The following UBR3 variants were observed in gnomAD, a reference collection of about 807,000 sequenced individuals.
The protein encoded by UBR3 is ubiquitin protein ligase E3 component n-recognin 3.
Under a neutral mutation model 243.2 loss-of-function variants are expected in UBR3, and 85 were observed. The observed-to-expected ratio is 0.35, with a 90% CI of 0.29 to 0.42. The LOEUF (loss-of-function observed/expected upper bound fraction) is 0.42, where lower values mean the gene tolerates loss of function less well. Ranked by LOEUF, UBR3 falls within the 10% of genes least tolerant of loss-of-function variation. UBR3 has a pLI of 1.00. For synonymous variants in UBR3, 748 were observed against 799.8 expected (o/e 0.94, Z 1.09); for missense variants, 1,686 against 2,300.8 (o/e 0.73, Z 5.47).
At chr2:169,947,406 T>C in intron 21 of UBR3, 136 bp from the exon 22 acceptor site, 2 of 640,746 alleles carry the variant, frequency 3.1e-6, no homozygotes, top group Non-Finnish European at 4.5e-6. Context: ...TTATTCACTT[T>C]ATAATTTGTG....
intron 24 of UBR3, among the ~76,000 whole-genome samples, chr2:169,972,028 TAAA>T (rs1296378104): frequency 6.6e-6 from 1 of 151,484 alleles, no homozygotes; most frequent in Non-Finnish European, 1.5e-5. Context: ...GCAAGACTAA[TAAA>T]GAAGAAAAGA....
At position 170,080,032 on chromosome 2, in the gene UBR3, T is replaced by C. The variant is rs2091880238; in HGVS notation, c.5409+9T>C. On this transcript the variant is annotated intron_variant, in intron 37 of 38. Coordinates refer to ENST00000272793, the MANE Select transcript of UBR3 (RefSeq NM_172070.4). ...ACTGTGAATGTGTACTGGTAAGCAATAGTAGATAATACAAAATTTATGAAA... is the reference window on the plus strand; with the variant it reads ...ACTGTGAATGTGTACTGGTAAGCAACAGTAGATAATACAAAATTTATGAAA... The C allele has an allele frequency of 6.2e-7, 1 of 1,600,280 alleles. No individual in the cohort carries two copies. The highest frequency in any genetic ancestry group is 2.2e-5 in the East Asian group (1 of 44,786).
At position 170,061,061 on chromosome 2, in the gene UBR3, A is replaced by G. The variant is rs368843691; in HGVS notation, c.4786-18A>G. ...TAATTTTCAGTGACCAGTGTAACCAATATTTTAATTTTTTCAGAGTACATG... is the reference window on the plus strand; with the variant it reads ...TAATTTTCAGTGACCAGTGTAACCAGTATTTTAATTTTTTCAGAGTACATG... On this transcript the variant is annotated intron_variant, in intron 33 of 38. Coordinates refer to ENST00000272793, the MANE Select transcript of UBR3 (RefSeq NM_172070.4). 3.6e-5 allele frequency: 54 copies of G among 1,495,060 alleles called. No homozygotes were observed. Among genetic ancestry groups the G allele is most frequent in the Non-Finnish European group, 4.4e-5 (49 of 1,117,042 alleles). 92.6% of individuals were successfully genotyped at this position (1,495,060 alleles called of 1,614,324 possible). A position where few individuals can be genotyped will look rare whatever the true frequency, so the allele number is the denominator to read the frequency against.
intron 13 of UBR3, among the ~76,000 whole-genome samples, chr2:169,924,902 G>A (rs183688520): frequency 3.9e-5 from 6 of 152,174 alleles, no homozygotes; most frequent in South Asian, 2.1e-4. Flanking sequence ...GCATGGTGGC[G>A]TGCACCTGTA....
intron 8 of UBR3, 110 bp downstream of exon 8, chr2:169,896,845 A>G: frequency 1.4e-6 from 1 of 724,078 alleles, no homozygotes; most frequent in South Asian, 4.4e-5. Flanking sequence ...ACTTAGTATT[A>G]TTAATCATAT....
At chr2:169,928,901 A>G in intron 18 of UBR3, 33 bp downstream of exon 18, 1 of 1,342,110 alleles carries the variant, frequency 7.5e-7, no homozygotes, top group African/African-American at 1.5e-5. Context: ...ACTCTTTCAA[A>G]TATCAGTTCT....
chr2:170,078,555 C>T (rs1374752880), intron 36 of UBR3, among the ~76,000 whole-genome samples: 1 of 152,148 alleles, frequency 6.6e-6, no homozygotes, highest in African/African-American at 2.4e-5. Flanking sequence ...CAGCTGGTGC[C>T]ATCTAAAAGT....
intron 1 of UBR3, among the ~76,000 whole-genome samples, chr2:169,846,334 C>T (rs2082476908): frequency 1.3e-5 from 2 of 152,060 alleles, no homozygotes; most frequent in South Asian, 4.1e-4. Flanking sequence ...ATTCCTTATT[C>T]TTTAGTCTGT....
Position 169,906,607 on chromosome 2 carries a change from A to G in UBR3, c.1779+443A>G, listed in dbSNP as rs549615456. On this transcript the variant is annotated intron_variant, in intron 10 of 38. Coordinates refer to ENST00000272793, the MANE Select transcript of UBR3 (RefSeq NM_172070.4). ...TGATGGGTCTCCAGAAACCTTGGGC[A>G]GTCCAGACAAATGGAATCCCCTGAC... 3.9e-5 allele frequency among the ~76,000 whole-genome samples: 6 copies of G among 152,206 alleles called. No individual in the cohort carries two copies. In the South Asian group the frequency reaches 1.2e-3, roughly 32 times the overall value.
intron 5 of UBR3, among the ~76,000 whole-genome samples, chr2:169,890,542 T>TATATATATATATATATAC (rs2084300182): frequency 1.6e-4 from 10 of 62,046 alleles, no homozygotes; most frequent in African/African-American, 6.8e-4. Flanking sequence ...GAGAGAGAGA[T>TATATATATATATATATAC]ATATATATAT....
At chr2:169,839,791 A>G (rs1574015117) in intron 1 of UBR3, among the ~76,000 whole-genome samples, 2 of 152,248 alleles carry the variant, frequency 1.3e-5, no homozygotes, top group Admixed American at 6.5e-5. Context: ...AGTAAGGCAA[A>G]CAACATTAAA....
rs2081799241 is a variant in UBR3, at chr2:169,828,005, C to T, written c.498C>T (p.Ala166=). Residue 166 remains alanine (A), a synonymous_variant, in exon 1 of 39, where the codon GCC becomes GCT. Transcript: ENST00000272793. ...ACTTCAACATGTTCCGCAGCCAGGC[C>T]GGGGGCGCCTGCGACTGCGGGGACA... The part of the protein sequence containing the change: ...GHDFNMFRSQ[A]GGACDCGDSN... 2 of 1,419,622 alleles carry T rather than the reference C, an allele frequency of 1.4e-6. No homozygotes were observed. The highest frequency in any genetic ancestry group is 1.5e-5 in the African/African-American group (1 of 67,712). 87.9% of individuals were successfully genotyped at this position (1,419,622 alleles called of 1,614,324 possible).
At position 170,007,015 on chromosome 2, in the gene UBR3, CGGT is replaced by C. The variant is rs770506301; in HGVS notation, c.4058_4060del (p.Val1353del). On this transcript the variant is annotated inframe_deletion, in exon 28 of 39. Coordinates refer to ENST00000272793, the MANE Select transcript of UBR3 (RefSeq NM_172070.4). The stretch of plus-strand genomic sequence containing the variant: ...AATGACCAGGTTCTTCAGGGCTTCT[CGGT>C]GGACAAAGGAGAATTCACGTGTCCA... 5 of 1,613,318 alleles carry C rather than the reference CGGT, an allele frequency of 3.1e-6. No homozygotes were observed. In the African/African-American group the frequency reaches 6.7e-5, roughly 22 times the overall value.
chr2:170,015,286 A>G lies in UBR3; in HGVS notation c.4373A>G (p.Asn1458Ser). 6.2e-7 allele frequency: 1 copy of G among 1,609,982 alleles called. No homozygotes were observed. The highest frequency in any genetic ancestry group is 8.5e-7 in the Non-Finnish European group (1 of 1,177,996). ...ATATAATGTTTTACTTACAGAACCA[A>G]TTTAGAACTTGAATTGATTCATCGA... ...FLFMYSVART[N>S]LELELIHRGG... Residue 1458 changes from asparagine (N) to serine (S), a missense_variant, in exon 30 of 39, where the codon AAT (asparagine) becomes AGT (serine). By Grantham distance (46) the Asn-to-Ser change is conservative. Around this residue, in one of 8 missense-constraint regions of UBR3, gnomAD observed 371 missense variants for 422.5 expected, o/e 0.88. Coordinates refer to ENST00000272793, the MANE Select transcript of UBR3 (RefSeq NM_172070.4).
chr2:170,065,736 T>C (rs981345763), intron 35 of UBR3, among the ~76,000 whole-genome samples: 1 of 152,194 alleles, frequency 6.6e-6, no homozygotes, highest in Non-Finnish European at 1.5e-5. Flanking sequence ...TTGATTTTTA[T>C]ATAGTTTTCT....
intron 26 of UBR3, among the ~76,000 whole-genome samples, chr2:169,998,362 G>A (rs552291754): frequency 2.6e-5 from 4 of 152,216 alleles, no homozygotes; most frequent in African/African-American, 7.2e-5. Context: ...AAAAGTCTCC[G>A]AGCTGAAATC....
At chr2:169,930,911 T>C (rs1461962787) in intron 18 of UBR3, among the ~76,000 whole-genome samples, 3 of 152,186 alleles carry the variant, frequency 2.0e-5, no homozygotes, top group East Asian at 3.8e-4. Flanking sequence ...GCCCCTGTTA[T>C]ACATCTGTGG....
At position 169,862,067 on chromosome 2, in the gene UBR3, C is replaced by T. The variant is rs892000690; in HGVS notation, c.546-10169C>T. ...CCATATTATTTTTCATGTACCGTTA[C>T]CATATTGTTTGTTTCTGCTTCAAGG... is the stretch of plus-strand genomic sequence containing the variant. On this transcript the variant is annotated intron_variant, in intron 1 of 38. Coordinates refer to ENST00000272793, the MANE Select transcript of UBR3 (RefSeq NM_172070.4). Among the ~76,000 whole-genome samples the T allele has an allele frequency of 3.3e-5, 5 of 152,226 alleles. No homozygotes were observed. In the South Asian group the frequency reaches 1.0e-3, roughly 32 times the overall value.
intron 32 of UBR3, among the ~76,000 whole-genome samples, chr2:170,042,720 C>CTT (rs575169870): frequency 7.5e-5 from 10 of 133,706 alleles, no homozygotes; most frequent in South Asian, 2.4e-4. Flanking sequence ...TTTTTGAACA[C>CTT]TTTTTTTTTT....
Sources: allele counts gnomAD v4.1 joint callset (sites outside exome capture counted in the v4.1 genomes callset), GRCh38; gene constraint gnomAD v4.1.1; regional missense constraint gnomAD v4.1.1; transcripts MANE v1.5; gene names NCBI Gene and HGNC (gene_info 2026-07-23, HGNC 2026-07-21).